PHEX: variants seen among roughly 807,000 people sequenced by gnomAD.
The protein encoded by PHEX is phosphate-regulating neutral endopeptidase PHEX.
A neutral mutation model predicts 68.0 loss-of-function variants in PHEX; 16 were observed. That is an observed-to-expected ratio of 0.24 (90% CI 0.16 to 0.36). The LOEUF (loss-of-function observed/expected upper bound fraction) is 0.36. Among genes scored for constraint, PHEX ranks in the 10% least tolerant of loss-of-function variants. PHEX has a pLI of 1.00. For missense variants in PHEX, 480 were observed against 575.5 expected (o/e 0.83, Z 1.70); for synonymous variants, 208 against 205.1 (o/e 1.01, Z -0.12).
chrX:22,077,913 A>G (rs1929231494), intron 5 of PHEX, among the ~76,000 whole-genome samples: 1 of 111,987 alleles, frequency 8.9e-6, no homozygotes, highest in African/African-American at 3.2e-5. Flanking sequence ...AAAACTAGTG[A>G]ATTAGTTTCA....
intron 20 of PHEX, among the ~76,000 whole-genome samples, chrX:22,237,916 G>A (rs985079134): frequency 2.7e-5 from 3 of 112,722 alleles, no homozygotes; most frequent in African/African-American, 6.4e-5. Flanking sequence ...GAAACAACAC[G>A]ACAAAGTTTA....
chrX:22,039,984 G>A (rs926203094), intron 2 of PHEX, among the ~76,000 whole-genome samples: 1 of 111,610 alleles, frequency 9.0e-6, no homozygotes, highest in Non-Finnish European at 1.9e-5. Flanking sequence ...TCACAGAGTG[G>A]TCAGGGGATT....
At chrX:22,076,885 A>C (rs1275222016) in intron 4 of PHEX, among the ~76,000 whole-genome samples, 6 of 111,821 alleles carry the variant, frequency 5.4e-5, no homozygotes, top group African/African-American at 2.0e-4. Flanking sequence ...TCAGCCTAAC[A>C]GGCATCTTTG....
At chrX:22,168,813 A>G (rs1374369747) in intron 13 of PHEX, among the ~76,000 whole-genome samples, 1 of 112,288 alleles carries the variant, frequency 8.9e-6, no homozygotes, top group African/African-American at 3.2e-5. Flanking sequence ...ATTAAACTTT[A>G]TGAGTGTTTT....
chrX:22,112,173 T>C (rs923703278), intron 10 of PHEX, among the ~76,000 whole-genome samples: 7 of 110,972 alleles, frequency 6.3e-5, no homozygotes, highest in African/African-American at 2.3e-4. Flanking sequence ...AGAGATGGGG[T>C]CTTGCCATGT....
intron 1 of PHEX, 148 bp from the exon 2 acceptor site, chrX:22,038,321 G>A (rs1927117766): frequency 1.4e-5 from 8 of 552,274 alleles, no homozygotes; most frequent in Middle Eastern, 3.2e-4. Flanking sequence ...GTCTGGTTTC[G>A]TGACATTGAA....
At chrX:22,192,748 T>C (rs892301010) in intron 15 of PHEX, among the ~76,000 whole-genome samples, 1 of 112,107 alleles carries the variant, frequency 8.9e-6, no homozygotes, top group Non-Finnish European at 1.9e-5. Flanking sequence ...GGAGGCATCC[T>C]GCCTTCCCTC....
chrX:22,211,547 C>T (rs1033165527), intron 15 of PHEX, among the ~76,000 whole-genome samples: 1 of 112,104 alleles, frequency 8.9e-6, no homozygotes, highest in Admixed American at 9.4e-5. Context: ...GTATTTTGTT[C>T]TTACCAGCAT....
At chrX:22,160,249 C>T (rs1933074564) in intron 12 of PHEX, among the ~76,000 whole-genome samples, 1 of 111,671 alleles carries the variant, frequency 9.0e-6, no homozygotes, top group African/African-American at 3.3e-5. Context: ...GGCAGGCAAG[C>T]AAGAGAAAGC....
At chrX:22,201,195 G>T (rs902800272) in intron 15 of PHEX, among the ~76,000 whole-genome samples, 2 of 110,937 alleles carry the variant, frequency 1.8e-5, no homozygotes, top group Non-Finnish European at 3.8e-5. Flanking sequence ...TTTTGTTGTT[G>T]TGACAGAGTC....
chrX:22,091,271 T>G (rs1391599275), intron 6 of PHEX, among the ~76,000 whole-genome samples: 1 of 111,670 alleles, frequency 9.0e-6, no homozygotes, highest in African/African-American at 3.3e-5. Context: ...TGGCAAGTTT[T>G]CCTTCCTAAA....
At chrX:22,163,973 G>A (rs1339848955) in intron 12 of PHEX, among the ~76,000 whole-genome samples, 1 of 111,948 alleles carries the variant, frequency 8.9e-6, no homozygotes, top group Non-Finnish European at 1.9e-5. Context: ...GGCAGAGTCT[G>A]TCAATGATCT....
At chrX:22,042,702 T>G (rs1456678555) in intron 2 of PHEX, among the ~76,000 whole-genome samples, 2 of 111,566 alleles carry the variant, frequency 1.8e-5, no homozygotes, top group African/African-American at 6.5e-5. Flanking sequence ...GGACAATCAC[T>G]TGAACCTGGG....
chrX:22,112,885 A>G (rs752722770), intron 10 of PHEX, among the ~76,000 whole-genome samples: 7 of 110,975 alleles, frequency 6.3e-5, no homozygotes, highest in African/African-American at 2.3e-4. Flanking sequence ...CAGCCTGGGC[A>G]ACAGAGCAAG....
chrX:22,136,519 G>A (rs1932238391), intron 12 of PHEX, among the ~76,000 whole-genome samples: 1 of 111,898 alleles, frequency 8.9e-6, no homozygotes, highest in South Asian at 3.7e-4. Flanking sequence ...GCAACCCATT[G>A]GGAAAGCTGG....
At chrX:22,160,086 A>T (rs1933068666) in intron 12 of PHEX, among the ~76,000 whole-genome samples, 1 of 112,193 alleles carries the variant, frequency 8.9e-6, no homozygotes, top group Admixed American at 9.5e-5. Context: ...CAGTATGTGT[A>T]TTAGTCTGTT....
intron 7 of PHEX, among the ~76,000 whole-genome samples, chrX:22,094,889 T>C (rs778442123): frequency 1.3e-4 from 15 of 112,294 alleles, no homozygotes; most frequent in East Asian, 8.4e-4. Context: ...AAAATCTCTC[T>C]ATATGTTCCT....
chrX:22,046,944 C>G lies in PHEX; in HGVS notation c.188-106C>G, dbSNP rs760612605. On this transcript the variant is annotated intron_variant, in intron 2 of 21. Transcript: ENST00000379374. ...GTTTATTTAAGGGGAAATATAAATG[C>G]CAAGGCTTGGAAACTGGTTGATATG... is the stretch of plus-strand genomic sequence containing the variant. The G allele has an allele frequency of 8.9e-6, 6 of 674,662 alleles. No individual in the cohort carries two copies. In the South Asian group the frequency reaches 1.1e-4, roughly 12 times the overall value. 55.6% of individuals were successfully genotyped at this position (674,662 alleles called of 1,213,427 possible).
At position 22,187,996 on chromosome X, in the gene PHEX, C is replaced by G. The variant is rs1453627489; in HGVS notation, c.1587-2448C>G. 2.7e-5 allele frequency among the ~76,000 whole-genome samples: 3 copies of G among 111,383 alleles called. No individual in the cohort carries two copies. In the East Asian group the frequency reaches 8.5e-4, roughly 32 times the overall value. On this transcript the variant is annotated intron_variant, in intron 14 of 21. Coordinates refer to ENST00000379374, the MANE Select transcript of PHEX (RefSeq NM_000444.6). ...ATTCCTATGTTGCCATGGGGAAAAA[C>G]TGATGAATAGAAGGTGCTTAGGACA...
Sources: gnomAD v4.1 joint callset for allele counts (sites outside exome capture counted in the v4.1 genomes callset) on GRCh38, gnomAD v4.1.1 for gene constraint, MANE v1.5 for transcripts, NCBI Gene and HGNC (gene_info 2026-07-23, HGNC 2026-07-21) for gene names.